The following GPHN variants were observed in gnomAD, a reference collection of about 807,000 sequenced individuals.
GPHN encodes the protein gephyrin.
In GPHN, 17 loss-of-function variants were observed where a neutral mutation model predicts 95.5. The observed-to-expected ratio is 0.18, with a 90% CI of 0.12 to 0.27. The LOEUF (loss-of-function observed/expected upper bound fraction) is 0.27, where lower values mean the gene tolerates loss of function less well. Among genes scored for constraint, GPHN ranks in the 10% least tolerant of loss-of-function variants. The pLI is 1.00. For missense variants in GPHN, 660 were observed against 978.1 expected, an observed-to-expected ratio of 0.67 and a Z score of 4.34; for synonymous variants, 320 against 322.5, an observed-to-expected ratio of 0.99 and a Z score of 0.08.
the GPHN span, among the ~76,000 whole-genome samples, chr14:67,654,941 A>C: frequency 6.9e-6 from 1 of 145,232 alleles, no homozygotes; most frequent in Non-Finnish European, 1.5e-5. Flanking sequence ...AGGCAGGAGA[A>C]TGGCATGAAC....
chr14:66,585,132 C>A (rs1236012924), intron 1 of GPHN, among the ~76,000 whole-genome samples: 1 of 151,978 alleles, frequency 6.6e-6, no homozygotes, highest in Non-Finnish European at 1.5e-5. Context: ...TGTATGTGTC[C>A]AGGAATTTAT....
At chr14:66,824,626 C>A in intron 4 of GPHN, 60 bp downstream of exon 4, 1 of 770,434 alleles carries the variant, frequency 1.3e-6, no homozygotes. Flanking sequence ...TTTTTTAATC[C>A]TTTTTACTAT....
intron 1 of GPHN, among the ~76,000 whole-genome samples, chr14:66,579,346 TTATC>T (rs1343584299): frequency 2.0e-5 from 3 of 151,702 alleles, no homozygotes; most frequent in South Asian, 2.1e-4. Context: ...TTGTATGTCT[TTATC>T]TATCAAACAA....
rs542116432 is a variant in GPHN at position 66,579,758 on chromosome 14, T to C, written c.64+71167T>C. Among the ~76,000 whole-genome samples, 11 of 151,922 alleles carry C rather than the reference T, an allele frequency of 7.2e-5. No individual in the cohort carries two copies. The South Asian group carries it at 2.1e-3, about 29-fold the overall frequency. ...ACAAGACTGCAAGACAATAATAGTA[T>C]AGGACTTCAATATTTCACATTCATC... On this transcript the variant is annotated intron_variant, in intron 1 of 22. Coordinates refer to ENST00000478722, the MANE Select transcript of GPHN (RefSeq NM_020806.5).
At chr14:66,958,508 C>T (rs1228514252) in intron 8 of GPHN, among the ~76,000 whole-genome samples, 1 of 152,094 alleles carries the variant, frequency 6.6e-6, no homozygotes, top group African/African-American at 2.4e-5. Flanking sequence ...ATTACACAAA[C>T]CTAGATGGTA....
At chr14:67,335,780 A>AAAAT in the GPHN span, 2 of 152,582 alleles carry the variant, frequency 1.3e-5, no homozygotes, top group Admixed American at 1.3e-4. Flanking sequence ...CTGTATTGTA[A>AAAAT]AAATAAAAAG....
intron 13 of GPHN, among the ~76,000 whole-genome samples, chr14:67,106,284 A>G (rs1207024482): frequency 3.9e-5 from 6 of 152,168 alleles, no homozygotes; most frequent in Non-Finnish European, 8.8e-5. Context: ...TGTGGATTTC[A>G]TTATATATGA....
intron 2 of GPHN, among the ~76,000 whole-genome samples, chr14:66,756,383 G>T (rs2058555282): frequency 1.3e-5 from 2 of 151,850 alleles, no homozygotes; most frequent in African/African-American, 4.8e-5. Flanking sequence ...ATATCCACAG[G>T]TTTCTTATCT....
At chr14:67,074,350 T>C (rs978857617) in intron 11 of GPHN, among the ~76,000 whole-genome samples, 1 of 152,164 alleles carries the variant, frequency 6.6e-6, no homozygotes, top group Non-Finnish European at 1.5e-5. Flanking sequence ...CTTACAGTGA[T>C]CTGTAGTCAG....
the GPHN span, among the ~76,000 whole-genome samples, chr14:67,640,764 A>G: frequency 3.3e-5 from 5 of 152,230 alleles, no homozygotes; most frequent in Admixed American, 2.6e-4. Context: ...TCCTAAATGT[A>G]GCATCCAACT....
At chr14:67,433,803 A>G in the GPHN span, among the ~76,000 whole-genome samples, 3 of 152,258 alleles carry the variant, frequency 2.0e-5, no homozygotes, top group East Asian at 5.8e-4. Context: ...ATAAGCATCA[A>G]CACAATGCTA....
chr14:67,646,700 T>G, the GPHN span: 3 of 1,613,908 alleles, frequency 1.9e-6, no homozygotes, highest in South Asian at 3.3e-5. Flanking sequence ...CTGCAAGTAT[T>G]GTGTATATTG....
chr14:67,198,222 C>G, the GPHN span: 11 of 1,613,860 alleles, frequency 6.8e-6, no homozygotes, highest in South Asian at 4.4e-5. Flanking sequence ...TCTCTGCACC[C>G]CACACTCCCA....
At chr14:66,837,275 T>A (rs2153504903) in intron 4 of GPHN, among the ~76,000 whole-genome samples, 2 of 151,514 alleles carry the variant, frequency 1.3e-5, no homozygotes, top group Middle Eastern at 6.8e-3. Context: ...TAAAAAATGA[T>A]GAGTTCATGT....
chr14:66,608,310 G>A (rs966547436), intron 1 of GPHN, among the ~76,000 whole-genome samples: 3 of 151,964 alleles, frequency 2.0e-5, no homozygotes, highest in African/African-American at 7.2e-5. Flanking sequence ...GATCTTCTTG[G>A]TGTTGGTTTT....
intron 18 of GPHN, among the ~76,000 whole-genome samples, chr14:67,155,342 G>T (rs2081520119): frequency 1.3e-5 from 2 of 152,258 alleles, no homozygotes; most frequent in South Asian, 4.2e-4. Context: ...ATTGTCCAAA[G>T]CCTTTTCAAT....
At chr14:67,437,602 G>A in the GPHN span, among the ~76,000 whole-genome samples, 2 of 152,220 alleles carry the variant, frequency 1.3e-5, no homozygotes, top group Non-Finnish European at 2.9e-5. Context: ...GAGCAGACAG[G>A]AGCCTCTCTA....
chr14:67,126,892 T>C (rs2079353664), intron 17 of GPHN, among the ~76,000 whole-genome samples: 1 of 151,896 alleles, frequency 6.6e-6, no homozygotes, highest in South Asian at 2.1e-4. Context: ...GTGGCACATA[T>C]ACACCATGGA....
the GPHN span, among the ~76,000 whole-genome samples, chr14:67,439,810 TTCTTC>T: frequency 1.1e-4 from 16 of 152,102 alleles, 1 homozygote; most frequent in South Asian, 1.0e-3. Context: ...AAAATGTCCT[TTCTTC>T]TCTTCTCTTC....
Sources: gnomAD v4.1 joint callset for allele counts (sites outside exome capture counted in the v4.1 genomes callset) on GRCh38, gnomAD v4.1.1 for gene constraint, MANE v1.5 for transcripts, NCBI Gene and HGNC (gene_info 2026-07-23, HGNC 2026-07-21) for gene names.